The following ERICH6B variants were observed in gnomAD, a reference collection of about 807,000 sequenced individuals.
The protein encoded by ERICH6B is glutamate rich 6B, also known as glutamate-rich protein 6B.
ERICH6B carries 69 observed loss-of-function variants against 80.0 expected under a neutral mutation model. That is an observed-to-expected ratio of 0.86 (90% CI 0.71 to 1.05). The LOEUF (loss-of-function observed/expected upper bound fraction) is 1.05, where lower values mean the gene tolerates loss of function less well. Among genes scored for constraint, ERICH6B ranks in the 50% least tolerant of loss-of-function variants. ERICH6B has a pLI of 0.00. For synonymous variants in ERICH6B, 283 were observed against 291.9 expected (o/e 0.97, Z 0.31); for missense variants, 754 against 796.1 (o/e 0.95, Z 0.64).
intron 5 of ERICH6B, among the ~76,000 whole-genome samples, chr13:45,584,881 C>T (rs1174017206): frequency 2.0e-5 from 3 of 152,116 alleles, no homozygotes; most frequent in Non-Finnish European, 1.5e-5. Flanking sequence ...TAATGTGTAC[C>T]CCACCTGCAG....
At chr13:45,613,727 G>A (rs1292532556) in intron 1 of ERICH6B, among the ~76,000 whole-genome samples, 1 of 152,184 alleles carries the variant, frequency 6.6e-6, no homozygotes, top group Non-Finnish European at 1.5e-5. Flanking sequence ...TTGGAGTTTG[G>A]AGGGATTAAA....
chr13:45,603,679 C>T (rs1396509388), intron 2 of ERICH6B, among the ~76,000 whole-genome samples: 1 of 152,144 alleles, frequency 6.6e-6, no homozygotes, highest in Non-Finnish European at 1.5e-5. Context: ...TTCCCAGTGC[C>T]TCAGTGAGGC....
rs1875105113 is a variant in ERICH6B, at chr13:45,570,437, G to C, written c.1051-1986C>G. On this transcript the variant is annotated intron_variant, in intron 8 of 14. Transcript: ENST00000298738. ...ACATAGTGAGACCCTTCCTTTACAA[G>C]AAAAAAATGAAACAAACGTGATAGT... Among the ~76,000 whole-genome samples the C allele has an allele frequency of 2.0e-5, 3 of 152,096 alleles. No homozygotes were observed. In the South Asian group the frequency reaches 6.2e-4, roughly 32 times the overall value.
At chr13:45,592,320 C>T (rs1276551454) in intron 3 of ERICH6B, among the ~76,000 whole-genome samples, 2 of 152,208 alleles carry the variant, frequency 1.3e-5, no homozygotes, top group African/African-American at 4.8e-5. Context: ...CAGCGTTCCC[C>T]CACCCACCAG....
intron 11 of ERICH6B, among the ~76,000 whole-genome samples, chr13:45,557,154 G>A (rs538717421): frequency 1.3e-5 from 2 of 152,166 alleles, no homozygotes; most frequent in East Asian, 1.9e-4. Flanking sequence ...AGGTGGTATG[G>A]CATTGTGGTT....
intron 4 of ERICH6B, 144 bp from the exon 5 acceptor site, chr13:45,587,376 T>C: frequency 1.5e-6 from 1 of 679,126 alleles, no homozygotes. Flanking sequence ...AGACTAGCTG[T>C]GAATCATGAA....
chr13:45,613,571 T>A (rs541310241), intron 1 of ERICH6B, among the ~76,000 whole-genome samples: 101 of 152,248 alleles, frequency 6.6e-4, no homozygotes, highest in African/African-American at 2.2e-3. Flanking sequence ...CTGAAGTTTA[T>A]CACAACCACC....
rs1300078627 is a variant in ERICH6B, at chr13:45,596,496, CA to C, written c.509del (p.Leu170ArgfsTer7). ...KKAYLEEEEYLGKKSYLEEEK... is the reference protein window; with the variant it reads ...KKAYLEEEEYXGKKSYLEEEK... ...CCTCTTCTAGATATGATTTCTTCCC[CA>C]GATACTCCTCCTCCTCCAGATACGC... On this transcript the variant is annotated frameshift_variant, in exon 3 of 15. Transcript: ENST00000298738. LOFTEE classifies it high-confidence loss of function. The C allele has an allele frequency of 1.9e-6, 3 of 1,551,384 alleles. No homozygotes were observed. In the African/African-American group the frequency reaches 4.1e-5, roughly 21 times the overall value.
At chr13:45,570,762 G>A (rs1012679445) in intron 8 of ERICH6B, among the ~76,000 whole-genome samples, 11 of 152,004 alleles carry the variant, frequency 7.2e-5, no homozygotes, top group African/African-American at 2.7e-4. Flanking sequence ...TCACTCCATT[G>A]CAGCTGCAGG....
chr13:45,542,176 G>A (rs1020830515), intron 14 of ERICH6B, among the ~76,000 whole-genome samples: 6 of 152,200 alleles, frequency 3.9e-5, no homozygotes, highest in African/African-American at 1.4e-4. Flanking sequence ...TGGGTCTGCA[G>A]CCTGCAGAAG....
chr13:45,576,779 G>A (rs562203316), intron 7 of ERICH6B, among the ~76,000 whole-genome samples: 1 of 152,222 alleles, frequency 6.6e-6, no homozygotes, highest in African/African-American at 2.4e-5. Context: ...CGGGAATAAG[G>A]TGAACTGGGC....
intron 2 of ERICH6B, among the ~76,000 whole-genome samples, chr13:45,606,373 C>T (rs1250764992): frequency 6.6e-6 from 1 of 150,804 alleles, no homozygotes; most frequent in Non-Finnish European, 1.5e-5. Flanking sequence ...TACCTTTCTA[C>T]CCACTAACTG....
Position 45,596,722 on chromosome 13 carries a change from T to G in ERICH6B, c.284A>C (p.Glu95Ala). Reference sequence around the variant, plus strand: ...ATACCCTGCCTTCTCCAGATACTCTTCCTCCTCCAGATGCTCTTCCTTCCC... The same window carrying G: ...ATACCCTGCCTTCTCCAGATACTCTGCCTCCTCCAGATGCTCTTCCTTCCC... ...YLGKEEHLEE[E>A]EYLEKAGYLE... Residue 95 changes from glutamate to alanine, a missense_variant, in exon 3 of 15, where the codon GAA becomes GCA. Transcript: ENST00000298738. The G allele has an allele frequency of 1.5e-5, 23 of 1,551,814 alleles. No homozygotes were observed. Among genetic ancestry groups the G allele is most frequent in the Non-Finnish European group, 2.0e-5 (23 of 1,147,032 alleles).
intron 5 of ERICH6B, among the ~76,000 whole-genome samples, chr13:45,583,727 T>C (rs1480787100): frequency 6.6e-6 from 1 of 152,220 alleles, no homozygotes; most frequent in Non-Finnish European, 1.5e-5. Context: ...AAGGGGAAAC[T>C]TCTTTCGTTT....
At chr13:45,544,459 G>A (rs1198070590) in intron 14 of ERICH6B, among the ~76,000 whole-genome samples, 5 of 152,110 alleles carry the variant, frequency 3.3e-5, no homozygotes, top group African/African-American at 1.2e-4. Flanking sequence ...TAGGCTCAAG[G>A]GATCCACCTG....
At chr13:45,566,153 G>A (rs1448725829) in intron 9 of ERICH6B, among the ~76,000 whole-genome samples, 2 of 152,172 alleles carry the variant, frequency 1.3e-5, no homozygotes, top group East Asian at 1.9e-4. Context: ...TGTAGCTGGT[G>A]GAAGAAATTT....
Position 45,563,800 on chromosome 13 carries a change from G to T in ERICH6B, c.1188-12C>A, listed in dbSNP as rs1874799747. On this transcript the variant is annotated splice_polypyrimidine_tract_variant and intron_variant, in intron 9 of 14. Coordinates refer to ENST00000298738, the MANE Select transcript of ERICH6B (RefSeq NM_182542.3). ...AATTTTTCTTCAGCCTAAAAGGAAA[G>T]TGGATCATCTTTAGAAGCCAAGACT... 1 of 1,551,090 alleles carries T rather than the reference G, an allele frequency of 6.4e-7. No homozygotes were observed. Among genetic ancestry groups the T allele is most frequent in the Non-Finnish European group, 8.7e-7 (1 of 1,146,136 alleles).
At chr13:45,574,208 G>A (rs1050293747) in intron 8 of ERICH6B, among the ~76,000 whole-genome samples, 2 of 152,078 alleles carry the variant, frequency 1.3e-5, no homozygotes, top group East Asian at 1.9e-4. Context: ...CTTAGCAATC[G>A]AGAACACAAT....
chr13:45,584,756 A>G (rs1875827771), intron 5 of ERICH6B, among the ~76,000 whole-genome samples: 1 of 152,128 alleles, frequency 6.6e-6, no homozygotes, highest in Non-Finnish European at 1.5e-5. Flanking sequence ...CCACGTGCCC[A>G]GTTCTTTGGG....
Sources: gnomAD v4.1 joint callset for allele counts (sites outside exome capture counted in the v4.1 genomes callset) on GRCh38, gnomAD v4.1.1 for gene constraint, MANE v1.5 for transcripts, NCBI Gene and HGNC (gene_info 2026-07-23, HGNC 2026-07-21) for gene names.